Variants in MAST2 observed in about 807,000 individuals in gnomAD.
The protein encoded by MAST2 is microtubule-associated serine/threonine-protein kinase 2.
Under a neutral mutation model 147.4 loss-of-function variants are expected in MAST2, and 70 were observed. The ratio of observed to expected loss-of-function variants is 0.47; its 90% CI spans 0.39 to 0.58. The LOEUF is 0.58. Among genes scored for constraint, MAST2 ranks in the 20% least tolerant of loss-of-function variants. The probability of loss-of-function intolerance (pLI) is 0.00; values close to 1 mark genes in which losing one functional copy is unlikely to be tolerated. For missense variants in MAST2, 2,080 were observed against 2,302.3 expected, an observed-to-expected ratio of 0.90 and a Z score of 1.98; for synonymous variants, 869 against 896.8, an observed-to-expected ratio of 0.97 and a Z score of 0.55.
chr1:45,902,242 A>G (rs537307777), intron 4 of MAST2, among the ~76,000 whole-genome samples: 1 of 152,142 alleles, frequency 6.6e-6, no homozygotes, highest in East Asian at 1.9e-4. Context: ...TGACATGATC[A>G]TATGGTTTTT....
rs1406161459 is a variant in MAST2 at position 46,034,704 on chromosome 1, A to G, written c.4035A>G (p.Pro1345=). Residue 1345 remains proline, a synonymous_variant, in exon 29 of 29, where the codon CCA becomes CCG. Coordinates refer to ENST00000361297, the MANE Select transcript of MAST2 (RefSeq NM_015112.3). The part of the protein sequence containing the change: ...RKSAGSIPLS[P]LAHTPSPPPP... ...CAGCAGGCAGCATCCCACTGTCACC[A>G]CTGGCCCACACCCCTTCTCCCCCAC... 6 of 1,613,788 alleles carry G rather than the reference A, an allele frequency of 3.7e-6. No homozygotes were observed. The highest frequency in any genetic ancestry group is 2.2e-5 in the East Asian group (1 of 44,862).
intron 4 of MAST2, among the ~76,000 whole-genome samples, chr1:45,920,960 C>T (rs1436640189): frequency 1.3e-5 from 2 of 152,084 alleles, no homozygotes; most frequent in Non-Finnish European, 2.9e-5. Flanking sequence ...TACCATTCAA[C>T]CCCACAGTAT....
chr1:45,939,120 T>G (rs1010121817), intron 4 of MAST2, among the ~76,000 whole-genome samples: 5 of 152,200 alleles, frequency 3.3e-5, no homozygotes, highest in African/African-American at 1.2e-4. Flanking sequence ...AAGCTGTTTT[T>G]TTTTTCCATT....
At chr1:45,808,122 G>C (rs754313329) in intron 1 of MAST2, among the ~76,000 whole-genome samples, 1 of 152,126 alleles carries the variant, frequency 6.6e-6, no homozygotes, top group Non-Finnish European at 1.5e-5. Context: ...ATCTCCAGAA[G>C]GTCAGTGGTT....
At chr1:46,009,086 GCT>G (rs1323802763) in intron 9 of MAST2, among the ~76,000 whole-genome samples, 1 of 152,022 alleles carries the variant, frequency 6.6e-6, no homozygotes, top group East Asian at 1.9e-4. Context: ...ATGGAGTCTT[GCT>G]CTGTCACCCA....
chr1:45,888,050 C>T (rs1204603986), intron 4 of MAST2, among the ~76,000 whole-genome samples: 1 of 152,130 alleles, frequency 6.6e-6, no homozygotes, highest in Non-Finnish European at 1.5e-5. Context: ...TCCTTGAGAA[C>T]CTGTTTTTGT....
At chr1:45,862,069 G>C (rs982089501) in intron 3 of MAST2, among the ~76,000 whole-genome samples, 1 of 152,088 alleles carries the variant, frequency 6.6e-6, no homozygotes, top group South Asian at 2.1e-4. Flanking sequence ...AAATATTACT[G>C]TAACATAAAC....
chr1:45,991,903 AT>A (rs35775812), intron 5 of MAST2, among the ~76,000 whole-genome samples: 1 of 151,232 alleles, frequency 6.6e-6, no homozygotes, highest in South Asian at 2.1e-4. Flanking sequence ...TAATTTATGT[AT>A]TTTTTTTAGA....
chr1:45,838,438 T>C (rs930538522), intron 3 of MAST2, among the ~76,000 whole-genome samples: 10 of 149,832 alleles, frequency 6.7e-5, no homozygotes, highest in African/African-American at 2.5e-4. Flanking sequence ...GGCCAGGCTC[T>C]TCTTGAACTC....
intron 4 of MAST2, among the ~76,000 whole-genome samples, chr1:45,918,740 G>A (rs1652970808): frequency 6.6e-6 from 1 of 152,172 alleles, no homozygotes; most frequent in South Asian, 2.1e-4. Flanking sequence ...TACTGGCCAG[G>A]ACTTTTGTTT....
chr1:45,988,535 T>G (rs776111967), intron 5 of MAST2, among the ~76,000 whole-genome samples: 3 of 152,214 alleles, frequency 2.0e-5, no homozygotes, highest in Admixed American at 6.5e-5. Flanking sequence ...AAATGTTCAG[T>G]GTTCACCTGA....
At chr1:45,958,529 T>TCTCC (rs1223320004) in intron 4 of MAST2, among the ~76,000 whole-genome samples, 1 of 149,036 alleles carries the variant, frequency 6.7e-6, no homozygotes, top group Non-Finnish European at 1.5e-5. Flanking sequence ...TCTCTCTCTC[T>TCTCC]CTCCCTCTAT....
At chr1:45,816,289 G>A (rs910144127) in intron 1 of MAST2, among the ~76,000 whole-genome samples, 1 of 151,468 alleles carries the variant, frequency 6.6e-6, no homozygotes, top group Non-Finnish European at 1.5e-5. Context: ...AAGAATAACA[G>A]ATGCAAACAA....
intron 5 of MAST2, among the ~76,000 whole-genome samples, chr1:45,964,448 G>T (rs1386497606): frequency 6.6e-6 from 1 of 152,144 alleles, no homozygotes; most frequent in Non-Finnish European, 1.5e-5. Context: ...GTCTTGGGAG[G>T]GGGTATGTGT....
intron 4 of MAST2, among the ~76,000 whole-genome samples, chr1:45,896,126 C>T (rs764891047): frequency 2.0e-5 from 3 of 150,932 alleles, no homozygotes; most frequent in Non-Finnish European, 4.4e-5. Context: ...CTCCCTGGTT[C>T]AAGGAATTCT....
At position 46,031,191 on chromosome 1, in the gene MAST2, T is replaced by A; in HGVS notation, c.2893T>A (p.Ser965Thr). The change falls in exon 23 of 29, where the codon TCT becomes ACT. Residue 965 changes from serine (S) to threonine (T), a missense_variant. This residue lies in a region of MAST2 where 1,278 missense variants were observed against 1,304.2 expected (regional missense o/e 0.98). Transcript: ENST00000361297. The surrounding 1 kb of genome is among the most constrained non-coding windows in gnomAD (Gnocchi z 4.1). ...GGGTATATGGGTCCTGACACCCCCA[T>A]CTGGAGAGGGGGTATCTGGGCCTGT... ...QEGIWVLTPP[S>T]GEGVSGPVTE... 1 of 1,575,944 alleles carries A rather than the reference T, an allele frequency of 6.3e-7. No homozygotes were observed.
chr1:45,826,215 C>T (rs1305744331), intron 2 of MAST2, among the ~76,000 whole-genome samples: 1 of 152,128 alleles, frequency 6.6e-6, no homozygotes, highest in Non-Finnish European at 1.5e-5. Context: ...CTGCCGGGTA[C>T]ATTGTTGAAA....
rs369263160 is a variant in MAST2 at position 45,895,662 on chromosome 1, T to A, written c.500+13267T>A. Among the ~76,000 whole-genome samples, 269 of 152,254 alleles carry A rather than the reference T, an allele frequency of 1.8e-3. 1 individual carries two copies. The highest frequency in any genetic ancestry group is 6.8e-3 in the Middle Eastern group (2 of 294). The stretch of plus-strand genomic sequence containing the variant: ...AAAACTGTTTAACAGACAGTTTTTT[T>A]AAAAAAAGTAAAAACAAAAAATCAT... On this transcript the variant is annotated intron_variant, in intron 4 of 28. Coordinates refer to ENST00000361297, the MANE Select transcript of MAST2 (RefSeq NM_015112.3).
intron 4 of MAST2, among the ~76,000 whole-genome samples, chr1:45,904,583 G>GC (rs892636089): frequency 2.0e-5 from 3 of 151,264 alleles, no homozygotes; most frequent in East Asian, 2.0e-4. Context: ...TCCTACCTTA[G>GC]CCCCCCCAAG....
Sources: gnomAD v4.1 joint callset for allele counts (sites outside exome capture counted in the v4.1 genomes callset) on GRCh38, gnomAD v4.1.1 for gene constraint, gnomAD v4.1.1 regional missense constraint, Gnocchi (gnomAD v3.1) non-coding constraint, MANE v1.5 for transcripts, NCBI Gene and HGNC (gene_info 2026-07-23, HGNC 2026-07-21) for gene names.